Variants in ERBB4 observed in about 807,000 individuals in gnomAD.
The protein encoded by ERBB4 is receptor tyrosine-protein kinase erbB-4.
In ERBB4, 42 loss-of-function variants were observed where a neutral mutation model predicts 158.0. The ratio of observed to expected loss-of-function variants is 0.27; its 90% CI spans 0.21 to 0.34. The LOEUF (loss-of-function observed/expected upper bound fraction) is 0.34. ERBB4 is among the 10% of genes least tolerant of loss of function. The probability of loss-of-function intolerance (pLI) is 1.00; values close to 1 mark genes in which losing one functional copy is unlikely to be tolerated. For synonymous variants in ERBB4, 583 were observed against 558.7 expected (o/e 1.04, Z -0.61); for missense variants, 1,333 against 1,624.1 (o/e 0.82, Z 3.08).
At chr2:212,432,766 T>C (rs964041727) in intron 1 of ERBB4, among the ~76,000 whole-genome samples, 2 of 152,124 alleles carry the variant, frequency 1.3e-5, no homozygotes, top group African/African-American at 4.8e-5. Context: ...GTGAAAACTC[T>C]TTTAAAGAAC....
intron 4 of ERBB4, among the ~76,000 whole-genome samples, chr2:211,775,845 C>T (rs1381066062): frequency 6.6e-6 from 1 of 152,172 alleles, no homozygotes; most frequent in Non-Finnish European, 1.5e-5. Flanking sequence ...CCATTTCTTG[C>T]CACCTCACGG....
chr2:211,913,892 T>A (rs887678628), intron 3 of ERBB4, among the ~76,000 whole-genome samples: 1 of 150,802 alleles, frequency 6.6e-6, no homozygotes, highest in African/African-American at 2.4e-5. Flanking sequence ...AATGAACACC[T>A]CAAATAAAAC....
At chr2:211,919,316 G>A (rs2079795182) in intron 3 of ERBB4, among the ~76,000 whole-genome samples, 1 of 152,002 alleles carries the variant, frequency 6.6e-6, no homozygotes, top group African/African-American at 2.4e-5. Context: ...CTTCCATGCA[G>A]ACATCTTTAC....
chr2:211,641,520 C>T (rs189422071), intron 16 of ERBB4, among the ~76,000 whole-genome samples: 81 of 152,200 alleles, frequency 5.3e-4, no homozygotes, highest in African/African-American at 1.6e-3. Context: ...GATCTCATTG[C>T]TAATTCTTGT....
chr2:211,750,325 T>C (rs1235889389), intron 5 of ERBB4, among the ~76,000 whole-genome samples: 3 of 152,162 alleles, frequency 2.0e-5, no homozygotes, highest in Non-Finnish European at 4.4e-5. Flanking sequence ...AACCTGAAAT[T>C]GAGTTACTAT....
At position 211,677,701 on chromosome 2, in the gene ERBB4, C is replaced by T. The variant is rs369823306; in HGVS notation, c.1622+1351G>A. 4.2e-4 allele frequency among the ~76,000 whole-genome samples: 64 copies of T among 151,716 alleles called. 1 individual carries two copies. In the South Asian group the frequency reaches 0.013, roughly 30 times the overall value. ...CATCCTGGCTAACACAGTGAAACCC[C>T]GTCTCTACCAAAAATACAAAAAATT... is the stretch of plus-strand genomic sequence containing the variant. On this transcript the variant is annotated intron_variant, in intron 13 of 27. Coordinates refer to ENST00000342788, the MANE Select transcript of ERBB4 (RefSeq NM_005235.3).
chr2:211,938,460 C>T (rs1386575653), intron 3 of ERBB4, among the ~76,000 whole-genome samples: 1 of 151,934 alleles, frequency 6.6e-6, no homozygotes, highest in Non-Finnish European at 1.5e-5. Flanking sequence ...AATATGATTG[C>T]CATTAGCCAA....
chr2:212,048,792 C>T (rs1368582546), intron 2 of ERBB4, among the ~76,000 whole-genome samples: 1 of 152,116 alleles, frequency 6.6e-6, no homozygotes, highest in Admixed American at 6.5e-5. Flanking sequence ...TGAGCACATA[C>T]GTAGTATTTA....
At chr2:211,689,094 T>G (rs1044655614) in intron 12 of ERBB4, among the ~76,000 whole-genome samples, 1 of 152,228 alleles carries the variant, frequency 6.6e-6, no homozygotes, top group Non-Finnish European at 1.5e-5. Flanking sequence ...TTCTCTGTTA[T>G]ATTAATTTTG....
chr2:211,944,191 ATATATATACTAT>A (rs1372524801), intron 3 of ERBB4, among the ~76,000 whole-genome samples: 17 of 86,148 alleles, frequency 2.0e-4, no homozygotes, highest in African/African-American at 3.9e-4. Context: ...ATATATATAT[ATATATATACTAT>A]ATATATATAT....
intron 1 of ERBB4, among the ~76,000 whole-genome samples, chr2:212,204,161 A>G (rs1349324239): frequency 2.6e-5 from 4 of 152,152 alleles, no homozygotes; most frequent in Non-Finnish European, 4.4e-5. Context: ...TTTTTTAACA[A>G]TCTGATTCTT....
At chr2:212,506,693 C>G (rs1367633355) in intron 1 of ERBB4, among the ~76,000 whole-genome samples, 1 of 152,050 alleles carries the variant, frequency 6.6e-6, no homozygotes, top group African/African-American at 2.4e-5. Flanking sequence ...AGAGGTGAGG[C>G]AGCTGTAAAA....
intron 20 of ERBB4, among the ~76,000 whole-genome samples, chr2:211,474,689 T>C (rs2125534289): frequency 6.6e-6 from 1 of 152,192 alleles, no homozygotes; most frequent in East Asian, 1.9e-4. Flanking sequence ...CAAGTAAAAT[T>C]GTAATATAAT....
intron 5 of ERBB4, among the ~76,000 whole-genome samples, chr2:211,734,363 G>A (rs2074530869): frequency 6.6e-6 from 1 of 151,990 alleles, no homozygotes; most frequent in Middle Eastern, 3.2e-3. Context: ...CTATTAGTGG[G>A]TGTATAAATT....
chr2:211,652,180 G>A (rs916760121), intron 16 of ERBB4, among the ~76,000 whole-genome samples: 10 of 152,092 alleles, frequency 6.6e-5, no homozygotes, highest in Non-Finnish European at 1.3e-4. Context: ...GAGACGTTTT[G>A]CTCTTCCCCT....
chr2:212,194,029 G>C (rs1296746366), intron 1 of ERBB4, among the ~76,000 whole-genome samples: 1 of 151,918 alleles, frequency 6.6e-6, no homozygotes, highest in East Asian at 1.9e-4. Flanking sequence ...CTAATAAAAA[G>C]GACTTTAAAG....
intron 25 of ERBB4, among the ~76,000 whole-genome samples, chr2:211,398,341 TAGAG>T (rs928503562): frequency 1.1e-4 from 16 of 152,166 alleles, no homozygotes; most frequent in Non-Finnish European, 2.2e-4. Flanking sequence ...CTGGGATACT[TAGAG>T]AGTAAAAGAA....
At chr2:211,533,511 A>C (rs560235058) in intron 20 of ERBB4, among the ~76,000 whole-genome samples, 1 of 152,186 alleles carries the variant, frequency 6.6e-6, no homozygotes, top group African/African-American at 2.4e-5. Flanking sequence ...ATATTGAATA[A>C]TCTGTTTGAA....
intron 1 of ERBB4, among the ~76,000 whole-genome samples, chr2:212,520,877 C>A (rs1016457915): frequency 6.9e-6 from 1 of 145,966 alleles, no homozygotes; most frequent in African/African-American, 2.6e-5. Context: ...GTGGACACCA[C>A]TGGCATAGCT....
Sources: allele counts gnomAD v4.1 joint callset (sites outside exome capture counted in the v4.1 genomes callset), GRCh38; gene constraint gnomAD v4.1.1; transcripts MANE v1.5; gene names NCBI Gene and HGNC (gene_info 2026-07-23, HGNC 2026-07-21).